Variants in OSBPL1A observed in about 807,000 individuals in gnomAD.
The protein encoded by OSBPL1A is oxysterol binding protein like 1A.
OSBPL1A carries 80 observed loss-of-function variants against 137.1 expected under a neutral mutation model. The ratio of observed to expected loss-of-function variants is 0.58; its 90% confidence interval spans 0.49 to 0.70. The LOEUF (loss-of-function observed/expected upper bound fraction) is 0.70. OSBPL1A is among the 30% of genes least tolerant of loss of function. OSBPL1A has a pLI of 0.00. For missense variants in OSBPL1A, 970 were observed against 1,129.4 expected (o/e 0.86, Z 2.02); for synonymous variants, 365 against 389.7 (o/e 0.94, Z 0.75).
intron 15 of OSBPL1A, among the ~76,000 whole-genome samples, chr18:24,255,433 C>T (rs1297253531): frequency 6.6e-6 from 1 of 152,148 alleles, no homozygotes; most frequent in Admixed American, 6.5e-5. Context: ...TGCTTAGGGC[C>T]AGCCTGCCTC....
chr18:24,227,737 A>T (rs1370929167), intron 16 of OSBPL1A, among the ~76,000 whole-genome samples: 1 of 152,126 alleles, frequency 6.6e-6, no homozygotes, highest in Non-Finnish European at 1.5e-5. Flanking sequence ...GATAACAGCC[A>T]TCTTGGGGTG....
At chr18:24,353,710 C>T (rs1039299985) in intron 4 of OSBPL1A, among the ~76,000 whole-genome samples, 1 of 151,670 alleles carries the variant, frequency 6.6e-6, no homozygotes, top group Non-Finnish European at 1.5e-5. Context: ...AAATGTGGCA[C>T]ATATACACCA....
At chr18:24,285,248 C>T (rs1363267043) in intron 14 of OSBPL1A, among the ~76,000 whole-genome samples, 1 of 152,132 alleles carries the variant, frequency 6.6e-6, no homozygotes, top group Non-Finnish European at 1.5e-5. Context: ...AAAATAAAAC[C>T]TCTCAAATAT....
At position 24,303,652 on chromosome 18, in the gene OSBPL1A, A is replaced by C; in HGVS notation, c.1159T>G (p.Cys387Gly). 1 of 1,612,928 alleles carries C rather than the reference A, an allele frequency of 6.2e-7. No homozygotes were observed. Among genetic ancestry groups the C allele is most frequent in the Non-Finnish European group, 8.5e-7 (1 of 1,179,230 alleles). The change falls in exon 14 of 28, where the codon TGT (cysteine) becomes GGT (glycine). Residue 387 changes from cysteine to glycine, a missense_variant. Cys to Gly is a radical substitution (Grantham distance 159, BLOSUM62 -3). Coordinates refer to ENST00000319481, the MANE Select transcript of OSBPL1A (RefSeq NM_080597.4). ...GTCTTTTTACCTTTAGCCATGTCACACTCCTTAATCATTTTGAGAAAGTTG... is the reference window on the plus strand; with the variant it reads ...GTCTTTTTACCTTTAGCCATGTCACCCTCCTTAATCATTTTGAGAAAGTTG... The part of the protein sequence containing the change: ...ISNFLKMIKE[C>G]DMAKEMLPSF...
At position 24,377,206 on chromosome 18, in the gene OSBPL1A, A is replaced by G. The variant is rs551536457; in HGVS notation, c.121+207T>C. Among the ~76,000 whole-genome samples the G allele has an allele frequency of 7.9e-5, 12 of 152,356 alleles. No individual in the cohort carries two copies. The South Asian group carries it at 2.3e-3, about 29-fold the overall frequency. The stretch of plus-strand genomic sequence containing the variant: ...TTGTGGCTTGTAATATTTGGGATCC[A>G]TAACAATTTTAAGAATTTAAAATTC... On this transcript the variant is annotated intron_variant, in intron 2 of 27. Transcript: ENST00000319481.
At chr18:24,320,384 G>C (rs530536069) in intron 7 of OSBPL1A, among the ~76,000 whole-genome samples, 63 of 152,270 alleles carry the variant, frequency 4.1e-4, no homozygotes, top group Middle Eastern at 6.8e-3. Flanking sequence ...AGAGTAACTG[G>C]GATACCACTT....
intron 2 of OSBPL1A, among the ~76,000 whole-genome samples, chr18:24,376,180 C>T (rs1211798011): frequency 6.6e-6 from 1 of 152,208 alleles, no homozygotes; most frequent in Non-Finnish European, 1.5e-5. Flanking sequence ...GCCCCACCCA[C>T]ATCCTGCTGA....
intron 26 of OSBPL1A, among the ~76,000 whole-genome samples, chr18:24,166,356 C>T (rs545055322): frequency 2.8e-4 from 42 of 152,118 alleles, no homozygotes; most frequent in Non-Finnish European, 5.4e-4. Context: ...ATTAAATTCT[C>T]AGGGGAGTAT....
chr18:24,235,427 A>G (rs995850360), intron 16 of OSBPL1A, among the ~76,000 whole-genome samples: 1 of 152,200 alleles, frequency 6.6e-6, no homozygotes, highest in Non-Finnish European at 1.5e-5. Flanking sequence ...GGAATGGTAG[A>G]GCTTTGACTA....
chr18:24,211,392 A>C (rs143854237), intron 17 of OSBPL1A, among the ~76,000 whole-genome samples: 1 of 152,236 alleles, frequency 6.6e-6, no homozygotes, highest in Non-Finnish European at 1.5e-5. Flanking sequence ...CTGGATTCTC[A>C]TAACTGTTTA....
In OSBPL1A at chr18:24,162,398, T is replaced by C. The variant is rs1316272878; in HGVS notation, c.*781A>G. On this transcript the variant is annotated 3_prime_UTR_variant, in exon 28 of 28. Transcript: ENST00000319481. Reference sequence around the variant, plus strand: ...CTGGAAGTGGAAGCATTTAACAAGGTTTGTCATTATGTAATGGTGATTAAA... The same window carrying C: ...CTGGAAGTGGAAGCATTTAACAAGGCTTGTCATTATGTAATGGTGATTAAA... 1 of 152,222 alleles carries C rather than the reference T, an allele frequency of 6.6e-6. No individual in the cohort carries two copies. Among genetic ancestry groups the C allele is most frequent in the Non-Finnish European group, 1.5e-5 (1 of 68,024 alleles). 9.4% of individuals were successfully genotyped at this position (152,222 alleles called of 1,614,324 possible).
chr18:24,248,313 T>C (rs959561042), intron 15 of OSBPL1A, among the ~76,000 whole-genome samples: 4 of 152,162 alleles, frequency 2.6e-5, no homozygotes, highest in African/African-American at 9.7e-5. Context: ...CATCCTGAGA[T>C]TAGAAATGAA....
chr18:24,217,252 T>C (rs2087731959), intron 17 of OSBPL1A, among the ~76,000 whole-genome samples: 1 of 147,142 alleles, frequency 6.8e-6, no homozygotes, highest in African/African-American at 2.5e-5. Flanking sequence ...TGAGACAAGT[T>C]TTGCTCTTTT....
Position 24,304,157 on chromosome 18 carries a change from G to T in OSBPL1A, c.1093-439C>A, listed in dbSNP as rs372748932. On this transcript the variant is annotated intron_variant, in intron 13 of 27. Coordinates refer to ENST00000319481, the MANE Select transcript of OSBPL1A (RefSeq NM_080597.4). Reference sequence around the variant, plus strand: ...AAAATCCAGATGGTCCTAACATTTGGAAACCACAAGCTGATTCTCGTTCAG... The same window carrying T: ...AAAATCCAGATGGTCCTAACATTTGTAAACCACAAGCTGATTCTCGTTCAG... Among the ~76,000 whole-genome samples the T allele has an allele frequency of 2.0e-5, 3 of 152,064 alleles. No homozygotes were observed. In the East Asian group the frequency reaches 5.8e-4, roughly 29 times the overall value.
intron 7 of OSBPL1A, among the ~76,000 whole-genome samples, chr18:24,325,091 A>AG (rs1359862427): frequency 5.6e-5 from 8 of 142,550 alleles, no homozygotes; most frequent in Admixed American, 2.0e-4. Flanking sequence ...GTATCGAAAC[A>AG]AAAAAAAGAA....
Position 24,239,401 on chromosome 18 carries a change from A to G in OSBPL1A, c.1282-19T>C, listed in dbSNP as rs1289528934. On this transcript the variant is annotated intron_variant, in intron 15 of 27. Coordinates refer to ENST00000319481, the MANE Select transcript of OSBPL1A (RefSeq NM_080597.4). The stretch of plus-strand genomic sequence containing the variant: ...TCCTCACCTAGAAGAAAACAGATAT[A>G]CAGAAAAGACTTCAGAGTGACAGGA... The G allele has an allele frequency of 6.2e-7, 1 of 1,607,302 alleles. No homozygotes were observed. The highest frequency in any genetic ancestry group is 2.2e-5 in the East Asian group (1 of 44,786).
intron 15 of OSBPL1A, among the ~76,000 whole-genome samples, chr18:24,256,587 A>G (rs1018962782): frequency 6.6e-6 from 1 of 152,196 alleles, no homozygotes; most frequent in Non-Finnish European, 1.5e-5. Flanking sequence ...CCACTATTAT[A>G]CAACATGGTA....
chr18:24,299,706 T>C (rs1260826403), intron 14 of OSBPL1A, among the ~76,000 whole-genome samples: 1 of 152,212 alleles, frequency 6.6e-6, no homozygotes, highest in Admixed American at 6.5e-5. Flanking sequence ...TCAGGTAACT[T>C]ATAAAGGATT....
intron 5 of OSBPL1A, among the ~76,000 whole-genome samples, chr18:24,339,765 A>T (rs1470732392): frequency 6.6e-6 from 1 of 152,202 alleles, no homozygotes; most frequent in African/African-American, 2.4e-5. Flanking sequence ...CATATAACAC[A>T]GTGTCTGATA....
Sources: allele counts gnomAD v4.1 joint callset (sites outside exome capture counted in the v4.1 genomes callset), GRCh38; gene constraint gnomAD v4.1.1; transcripts MANE v1.5; gene names NCBI Gene and HGNC (gene_info 2026-07-23, HGNC 2026-07-21).